Variants in SETBP1 observed in about 807,000 individuals in gnomAD.
SETBP1 encodes SET binding protein 1.
SETBP1 carries 9 observed loss-of-function variants against 101.0 expected under a neutral mutation model. The ratio of observed to expected loss-of-function variants is 0.09; its 90% CI spans 0.05 to 0.16. SETBP1 has a LOEUF of 0.16. Ranked by LOEUF, SETBP1 falls within the 10% of genes least tolerant of loss-of-function variation. The pLI is 1.00. For synonymous variants in SETBP1, 818 were observed against 788.5 expected (o/e 1.04, Z -0.63); for missense variants, 1,858 against 2,033.8 (o/e 0.91, Z 1.66).
chr18:44,882,390 C>T (rs906196797), intron 3 of SETBP1, among the ~76,000 whole-genome samples: 9 of 152,010 alleles, frequency 5.9e-5, no homozygotes, highest in East Asian at 3.9e-4. Context: ...GCGGACGAAG[C>T]GCTAAAGGCT....
Position 45,066,264 on chromosome 18 carries a change from A to G in SETBP1, c.*2566A>G, listed in dbSNP as rs2073964323. 1 of 152,324 alleles carries G rather than the reference A, an allele frequency of 6.6e-6. No individual in the cohort carries two copies. The highest frequency in any genetic ancestry group is 2.4e-5 in the African/African-American group (1 of 41,568). The allele number at this position is 152,324 out of a possible 1,614,324, so 9.4% of individuals were successfully genotyped here. On this transcript the variant is annotated 3_prime_UTR_variant, in exon 6 of 6. Coordinates refer to ENST00000649279, the MANE Select transcript of SETBP1 (RefSeq NM_015559.3). ...GCAACTTACACGTGAATTCTGGTCT[A>G]TAGTGGTCATGTGAGTTAAATTCGA... is the stretch of plus-strand genomic sequence containing the variant.
At chr18:44,721,535 T>C (rs193228998) in intron 2 of SETBP1, among the ~76,000 whole-genome samples, 2 of 150,548 alleles carry the variant, frequency 1.3e-5, no homozygotes, top group African/African-American at 4.9e-5. Context: ...GCTACTGGGT[T>C]CTCCAGCTCA....
chr18:44,848,268 C>T (rs181726391), intron 2 of SETBP1, among the ~76,000 whole-genome samples: 3 of 152,144 alleles, frequency 2.0e-5, no homozygotes, highest in African/African-American at 4.8e-5. Context: ...TGGGGAAGGC[C>T]TTAAAGCTCA....
chr18:44,747,550 C>A (rs1256033679), intron 2 of SETBP1, among the ~76,000 whole-genome samples: 1 of 152,250 alleles, frequency 6.6e-6, no homozygotes, highest in East Asian at 1.9e-4. Context: ...GCTTGCTCTA[C>A]TTTTTATGCA....
intron 2 of SETBP1, among the ~76,000 whole-genome samples, chr18:44,775,488 AC>A (rs2070979102): frequency 6.6e-6 from 1 of 152,086 alleles, no homozygotes; most frequent in South Asian, 2.1e-4. Flanking sequence ...AGTTCTGGCT[AC>A]TTTTTTTTCT....
intron 2 of SETBP1, among the ~76,000 whole-genome samples, chr18:44,777,905 A>G (rs865825795): frequency 6.6e-6 from 1 of 152,206 alleles, no homozygotes; most frequent in African/African-American, 2.4e-5. Context: ...TTTCTGTGCA[A>G]AAGCAGAGAC....
At chr18:44,881,903 T>C (rs2069538171) in intron 3 of SETBP1, among the ~76,000 whole-genome samples, 1 of 152,164 alleles carries the variant, frequency 6.6e-6, no homozygotes, top group Non-Finnish European at 1.5e-5. Context: ...AATATATATT[T>C]CTGATTATGA....
chr18:44,836,836 A>G (rs1408986248), intron 2 of SETBP1, among the ~76,000 whole-genome samples: 2 of 152,120 alleles, frequency 1.3e-5, no homozygotes, highest in Admixed American at 6.5e-5. Flanking sequence ...TTCTCTGCTC[A>G]TGTTCCAGCC....
intron 2 of SETBP1, among the ~76,000 whole-genome samples, chr18:44,769,158 C>A (rs1344374273): frequency 1.3e-4 from 20 of 152,232 alleles, no homozygotes; most frequent in Non-Finnish European, 7.3e-5. Context: ...CTCTCATCTA[C>A]AATGAATTCA....
At chr18:44,935,715 G>A (rs1050875848) in intron 3 of SETBP1, among the ~76,000 whole-genome samples, 1 of 152,228 alleles carries the variant, frequency 6.6e-6, no homozygotes, top group Non-Finnish European at 1.5e-5. Flanking sequence ...TGTGTATTTA[G>A]AAGAGGCCAC....
chr18:44,777,037 C>T (rs2071017785), intron 2 of SETBP1, among the ~76,000 whole-genome samples: 1 of 152,146 alleles, frequency 6.6e-6, no homozygotes, highest in Non-Finnish European at 1.5e-5. Context: ...TAAGGTAGGC[C>T]AGGTGTGGTG....
chr18:44,795,162 C>T (rs1169172029), intron 2 of SETBP1, among the ~76,000 whole-genome samples: 1 of 152,152 alleles, frequency 6.6e-6, no homozygotes, highest in Non-Finnish European at 1.5e-5. Flanking sequence ...CAATGGTCTA[C>T]CAGTTCCATG....
At chr18:45,037,541 C>T (rs2073421878) in intron 4 of SETBP1, among the ~76,000 whole-genome samples, 1 of 152,116 alleles carries the variant, frequency 6.6e-6, no homozygotes, top group Non-Finnish European at 1.5e-5. Context: ...TCATCACCAC[C>T]CCATTTTTAC....
At chr18:44,807,848 T>C (rs1185046059) in intron 2 of SETBP1, among the ~76,000 whole-genome samples, 1 of 152,132 alleles carries the variant, frequency 6.6e-6, no homozygotes, top group East Asian at 1.9e-4. Flanking sequence ...GTGGTATAGA[T>C]GATGGCAGCT....
intron 5 of SETBP1, among the ~76,000 whole-genome samples, chr18:45,042,407 C>T (rs1395935557): frequency 1.3e-5 from 2 of 152,104 alleles, no homozygotes; most frequent in East Asian, 1.9e-4. Flanking sequence ...ACTTCGGCCT[C>T]CCAAAGTGCT....
chr18:44,684,585 GTTT>G (rs5824553), intron 1 of SETBP1, among the ~76,000 whole-genome samples: 1 of 133,128 alleles, frequency 7.5e-6, no homozygotes, highest in Admixed American at 7.6e-5. Context: ...TTTTTAGAAG[GTTT>G]TTTTTTTTTT....
intron 2 of SETBP1, among the ~76,000 whole-genome samples, chr18:44,860,063 A>C (rs1489105883): frequency 2.0e-5 from 3 of 152,302 alleles, no homozygotes; most frequent in Middle Eastern, 3.4e-3. Flanking sequence ...GATTTAAATC[A>C]GTTTCCTGGG....
intron 2 of SETBP1, among the ~76,000 whole-genome samples, chr18:44,816,725 C>G (rs1485127430): frequency 1.3e-5 from 2 of 152,144 alleles, no homozygotes; most frequent in Non-Finnish European, 2.9e-5. Flanking sequence ...GTTCAACACC[C>G]CCACATCATA....
At position 44,952,328 on chromosome 18, in the gene SETBP1, G is replaced by A. The variant is rs777856726; in HGVS notation, c.2988G>A (p.Val996=). The change falls in exon 4 of 6, where the codon GTG becomes GTA. Residue 996 remains valine, a synonymous_variant. Transcript: ENST00000649279. ...FRINFDHYYP[V]PYIQYDPLLY... is the part of the protein sequence containing the mutation. ...TTAATTTTGATCACTATTACCCGGT[G>A]CCATATATCCAGTATGACCCGTTGC... 2.5e-6 allele frequency: 4 copies of A among 1,614,064 alleles called. No homozygotes were observed. The highest frequency in any genetic ancestry group is 2.2e-5 in the East Asian group (1 of 44,854).
Sources: allele counts gnomAD v4.1 joint callset (sites outside exome capture counted in the v4.1 genomes callset), GRCh38; gene constraint gnomAD v4.1.1; transcripts MANE v1.5; gene names NCBI Gene and HGNC (gene_info 2026-07-23, HGNC 2026-07-21).